Variants in RFX1 observed in about 807,000 individuals in gnomAD.
RFX1 encodes the protein regulatory factor X1.
Under a neutral mutation model 119.6 loss-of-function variants are expected in RFX1, and 42 were observed. That is an observed-to-expected ratio of 0.35 (90% CI 0.27 to 0.45). The LOEUF is 0.45. Ranked by LOEUF, RFX1 falls within the 20% of genes least tolerant of loss-of-function variation. The pLI is 1.00. For missense variants in RFX1, 1,118 were observed against 1,368.1 expected, an observed-to-expected ratio of 0.82 and a Z score of 2.88; for synonymous variants, 628 against 618.5, an observed-to-expected ratio of 1.02 and a Z score of -0.23.
intron 9 of RFX1, among the ~76,000 whole-genome samples, 156 bp from the exon 10 acceptor site, chr19:13,970,331 T>C (rs78600818): frequency 0.037 from 5,639 of 151,746 alleles, 341 homozygotes; most frequent in African/African-American, 0.13. Flanking sequence ...CCAAGAACTA[T>C]GTCCCACAGA....
intron 7 of RFX1, among the ~76,000 whole-genome samples, chr19:13,979,197 G>C (rs1226940323): frequency 6.6e-6 from 1 of 152,222 alleles, no homozygotes; most frequent in Non-Finnish European, 1.5e-5. Context: ...GATCCCCGCC[G>C]CCCGGGGTCT....
intron 1 of RFX1, among the ~76,000 whole-genome samples, chr19:14,005,861 C>T (rs1246310073): frequency 6.6e-6 from 1 of 151,402 alleles, no homozygotes; most frequent in Non-Finnish European, 1.5e-5. Flanking sequence ...CCCCGGCCTG[C>T]CGACCTCCAC....
At chr19:13,992,881 C>T (rs1414167397) in intron 2 of RFX1, among the ~76,000 whole-genome samples, 1 of 152,174 alleles carries the variant, frequency 6.6e-6, no homozygotes, top group African/African-American at 2.4e-5. Context: ...CCTGTATTCC[C>T]AGCACTTTGG....
intron 1 of RFX1, chr19:13,998,095 TAACTC>T (rs1456895726): frequency 6.6e-6 from 1 of 152,172 alleles, no homozygotes; most frequent in African/African-American, 2.4e-5. Flanking sequence ...CGCTATGTCT[TAACTC>T]ATTAACATAT....
In RFX1 at chr19:13,990,919, CA is replaced by C. The variant is rs1175647203; in HGVS notation, c.319+2605del. Among the ~76,000 whole-genome samples the C allele has an allele frequency of 1.3e-5, 2 of 152,038 alleles. No homozygotes were observed. Among genetic ancestry groups the C allele is most frequent in the Non-Finnish European group, 2.9e-5 (2 of 68,012 alleles). On this transcript the variant is annotated intron_variant, in intron 2 of 20. Transcript: ENST00000254325. This position sits in a 1 kb window ranked among gnomAD's most constrained non-coding sequence, Gnocchi z 4.1. Reference sequence around the variant, plus strand: ...CACTGAGCCCAGGAGTTGGAGGTTACAGTGAGCCATGATTGCACCATTGCAC... The same window carrying C: ...CACTGAGCCCAGGAGTTGGAGGTTACGTGAGCCATGATTGCACCATTGCAC...
In RFX1 at chr19:13,988,914, C is replaced by T. The variant is rs186124878; in HGVS notation, c.319+4611G>A. ...GTGCGCCCCTGTAATCCCAGCTACT[C>T]GGGAGGCTGAGGCAGGAGAATCGCT... is the stretch of plus-strand genomic sequence containing the variant. On this transcript the variant is annotated intron_variant, in intron 2 of 20. Coordinates refer to ENST00000254325, the MANE Select transcript of RFX1 (RefSeq NM_002918.5). Among the ~76,000 whole-genome samples, 649 of 152,158 alleles carry T rather than the reference C, an allele frequency of 4.3e-3. 1 individual carries two copies. Among genetic ancestry groups the T allele is most frequent in the Non-Finnish European group, 5.9e-3 (402 of 67,988 alleles).
In RFX1 at chr19:13,989,007, C is replaced by T. The variant is rs141588283; in HGVS notation, c.319+4518G>A. On this transcript the variant is annotated intron_variant, in intron 2 of 20. Coordinates refer to ENST00000254325, the MANE Select transcript of RFX1 (RefSeq NM_002918.5). ...ACTGCATCCGGCCTGGGTGACACAG[C>T]GAGACTTTGTCTCAAAAACAAACAA... Among the ~76,000 whole-genome samples, 573 of 152,178 alleles carry T rather than the reference C, an allele frequency of 3.8e-3. 5 individuals are homozygous for T. The highest frequency in any genetic ancestry group is 0.013 in the African/African-American group (542 of 41,498).
chr19:14,005,656 T>C (rs1036931779), intron 1 of RFX1, among the ~76,000 whole-genome samples: 3 of 152,172 alleles, frequency 2.0e-5, no homozygotes, highest in African/African-American at 7.2e-5. Flanking sequence ...CTTAAGGATC[T>C]GGAAGGCGGA....
Position 13,986,573 on chromosome 19 carries a change from G to C in RFX1, c.320-2978C>G, listed in dbSNP as rs1276922615. On this transcript the variant is annotated intron_variant, in intron 2 of 20. Transcript: ENST00000254325. This position sits in a 1 kb window ranked among gnomAD's most constrained non-coding sequence, Gnocchi z 4.2. ...AGGAGAAGCCAGGAGGGGAAGTGGG[G>C]GGTGGCACTGAGTCTGCGAGCGAGC... Among the ~76,000 whole-genome samples, 4 of 152,190 alleles carry C rather than the reference G, an allele frequency of 2.6e-5. No homozygotes were observed. The highest frequency in any genetic ancestry group is 5.9e-5 in the Non-Finnish European group (4 of 68,018).
In RFX1 at chr19:13,986,219, A is replaced by G. The variant is rs1974589362; in HGVS notation, c.320-2624T>C. On this transcript the variant is annotated intron_variant, in intron 2 of 20. Coordinates refer to ENST00000254325, the MANE Select transcript of RFX1 (RefSeq NM_002918.5). This position sits in a 1 kb window ranked among gnomAD's most constrained non-coding sequence, Gnocchi z 4.2. ...CTCACCCAGGAAGCTCAAGGTGGGC[A>G]GGGAGTGGGGGGCTGGCCCCCCACC... Among the ~76,000 whole-genome samples, 1 of 152,144 alleles carries G rather than the reference A, an allele frequency of 6.6e-6. No individual in the cohort carries two copies. Among genetic ancestry groups the G allele is most frequent in the Admixed American group, 6.5e-5 (1 of 15,282 alleles).
Position 13,980,470 on chromosome 19 carries a change from C to T in RFX1, c.738+103G>A. On this transcript the variant is annotated intron_variant, in intron 6 of 20. Transcript: ENST00000254325. This position sits in a 1 kb window ranked among gnomAD's most constrained non-coding sequence, Gnocchi z 5.1. ...GGGTGGCAGGCTGGGGCTGGACCCACATGGGCTGGGCTCTAATAGGCCAGA... is the reference window on the plus strand; with the variant it reads ...GGGTGGCAGGCTGGGGCTGGACCCATATGGGCTGGGCTCTAATAGGCCAGA... The T allele has an allele frequency of 1.5e-6, 1 of 687,636 alleles. No homozygotes were observed. 42.6% of individuals were successfully genotyped at this position (687,636 alleles called of 1,614,324 possible).
chr19:13,979,678 G>A, intron 6 of RFX1, 136 bp from the exon 7 acceptor site: 1 of 492,502 alleles, frequency 2.0e-6, no homozygotes, highest in Non-Finnish European at 3.5e-6. Flanking sequence ...AGCCAAGCAA[G>A]GAGGGTGCTG....
chr19:14,000,483 T>TACAC (rs142722700), intron 1 of RFX1, among the ~76,000 whole-genome samples: 7 of 151,406 alleles, frequency 4.6e-5, no homozygotes, highest in African/African-American at 1.5e-4. Context: ...CACATACACA[T>TACAC]ACACACACAC....
chr19:14,000,621 G>A (rs577213692), intron 1 of RFX1, among the ~76,000 whole-genome samples: 87 of 151,820 alleles, frequency 5.7e-4, no homozygotes, highest in Non-Finnish European at 1.1e-3. Context: ...ACAAAGTGAC[G>A]CCTTATCTCT....
In RFX1 at chr19:13,962,542, C is replaced by T. The variant is rs1973724630; in HGVS notation, c.*153G>A. 5 of 624,202 alleles carry T rather than the reference C, an allele frequency of 8.0e-6. No homozygotes were observed. The highest frequency in any genetic ancestry group is 1.3e-5 in the Non-Finnish European group (5 of 377,692). The allele number at this position is 624,202 out of a possible 1,614,324, so 38.7% of individuals were successfully genotyped here. A position where few individuals can be genotyped will look rare whatever the true frequency, so the allele number is the denominator to read the frequency against. On this transcript the variant is annotated 3_prime_UTR_variant, in exon 21 of 21. Transcript: ENST00000254325. ...CGCCCAGCCCACTGATTGTGCCGGC[C>T]CCATAAGGGAGGAGGGCCCCGGTCT...
At chr19:13,981,292 C>A (rs1974423427) in intron 5 of RFX1, among the ~76,000 whole-genome samples, 1 of 152,156 alleles carries the variant, frequency 6.6e-6, no homozygotes, top group Non-Finnish European at 1.5e-5. Flanking sequence ...AGAGAAAACT[C>A]AGGGCTCAGA....
intron 7 of RFX1, among the ~76,000 whole-genome samples, chr19:13,979,115 G>A (rs1974349445): frequency 6.6e-6 from 1 of 152,062 alleles, no homozygotes; most frequent in Non-Finnish European, 1.5e-5. Context: ...GGGTCAACGG[G>A]GGCGGCCGCG....
At chr19:13,970,263 C>T in intron 9 of RFX1, 88 bp from the exon 10 acceptor site, 1 of 1,202,644 alleles carries the variant, frequency 8.3e-7, no homozygotes, top group Non-Finnish European at 1.2e-6. Flanking sequence ...CATCGACTTC[C>T]AGCTGGGATC....
rs1249887426 is a variant in RFX1, at chr19:13,966,627, C to G, written c.1851+6G>C. ...GTCCACTTGCCTGCCCACCTGGCCA[C>G]CCTACCTCACAGTGTTCCCGGTACA... On this transcript the variant is annotated splice_donor_region_variant and intron_variant, in intron 13 of 20. Transcript: ENST00000254325. The surrounding 1 kb of genome is among the most constrained non-coding windows in gnomAD (Gnocchi z 6.3). 3.2e-6 allele frequency: 5 copies of G among 1,582,900 alleles called. No homozygotes were observed. In the African/African-American group the frequency reaches 4.0e-5, roughly 13 times the overall value.
Sources: allele counts gnomAD v4.1 joint callset (sites outside exome capture counted in the v4.1 genomes callset), GRCh38; gene constraint gnomAD v4.1.1; non-coding constraint Gnocchi (gnomAD v3.1); transcripts MANE v1.5; gene names NCBI Gene and HGNC (gene_info 2026-07-23, HGNC 2026-07-21).